The following COA1 variants were observed in gnomAD, a reference collection of about 807,000 sequenced individuals.
COA1 encodes cytochrome c oxidase assembly factor 1, also known as cytochrome c oxidase assembly factor 1 homolog.
A neutral mutation model predicts 16.0 loss-of-function variants in COA1; 13 were observed. That is an observed-to-expected ratio of 0.81 (90% CI 0.53 to 1.29). The LOEUF is 1.29. Ranked by LOEUF, COA1 falls within the 50% of genes most tolerant of loss-of-function variation. COA1 has a pLI of 0.00. For synonymous variants in COA1, 65 were observed against 65.7 expected, an observed-to-expected ratio of 0.99 and a Z score of 0.05; for missense variants, 179 against 177.0, an observed-to-expected ratio of 1.01 and a Z score of -0.06.
At chr7:43,727,689 G>A (rs2095645050) in intron 1 of COA1, among the ~76,000 whole-genome samples, 1 of 152,198 alleles carries the variant, frequency 6.6e-6, no homozygotes, top group Non-Finnish European at 1.5e-5. Flanking sequence ...AGTTGCTTAG[G>A]GCTTAGAATG....
chr7:43,699,436 A>G (rs1203513926), intron 1 of COA1, among the ~76,000 whole-genome samples: 1 of 152,154 alleles, frequency 6.6e-6, no homozygotes, highest in Non-Finnish European at 1.5e-5. Context: ...GAGCCAACCT[A>G]CTATTTGTTT....
chr7:43,647,475 T>C, intron 3 of COA1, 60 bp downstream of exon 3: 1 of 1,091,256 alleles, frequency 9.2e-7, no homozygotes, highest in South Asian at 1.2e-5. Flanking sequence ...TTTCCTCTGA[T>C]GGAGGAGCAG....
At chr7:43,669,564 G>A (rs1247288593) in intron 1 of COA1, among the ~76,000 whole-genome samples, 2 of 152,040 alleles carry the variant, frequency 1.3e-5, no homozygotes, top group Non-Finnish European at 2.9e-5. Context: ...TGACATGCCT[G>A]GTCAAACCAA....
intron 1 of COA1, among the ~76,000 whole-genome samples, chr7:43,655,485 C>A (rs2091570508): frequency 6.6e-6 from 1 of 152,076 alleles, no homozygotes; most frequent in African/African-American, 2.4e-5. Context: ...ACCCCCATCT[C>A]TACTAAAAAT....
intron 4 of COA1, among the ~76,000 whole-genome samples, chr7:43,644,616 T>A (rs1436235099): frequency 6.6e-6 from 1 of 151,816 alleles, no homozygotes; most frequent in Non-Finnish European, 1.5e-5. Context: ...AGCCTCCAAC[T>A]CCTGGGTTCA....
At chr7:43,620,164 A>T (rs372935634) in intron 6 of COA1, among the ~76,000 whole-genome samples, 1 of 152,224 alleles carries the variant, frequency 6.6e-6, no homozygotes, top group Non-Finnish European at 1.5e-5. Flanking sequence ...TGCTTCTGGC[A>T]GAAAGAAAAA....
chr7:43,674,037 C>T (rs2093398187), intron 1 of COA1, among the ~76,000 whole-genome samples: 1 of 152,070 alleles, frequency 6.6e-6, no homozygotes, highest in Non-Finnish European at 1.5e-5. Flanking sequence ...AGAAAAACTA[C>T]CTATCAGGTT....
intron 6 of COA1, among the ~76,000 whole-genome samples, chr7:43,629,561 G>A (rs766334300): frequency 2.0e-5 from 3 of 151,804 alleles, no homozygotes; most frequent in Non-Finnish European, 4.4e-5. Context: ...TTTTTTGTTT[G>A]CTTTTAATAC....
At chr7:43,690,767 A>G (rs35209720) in intron 1 of COA1, among the ~76,000 whole-genome samples, 22,313 of 152,170 alleles carry the variant, frequency 0.15, 2,186 homozygotes, top group Non-Finnish European at 0.21. Context: ...ATAAAGGGGG[A>G]AAAAAGCAAG....
chr7:43,684,452 G>C (rs771476194), intron 1 of COA1, among the ~76,000 whole-genome samples: 2 of 152,128 alleles, frequency 1.3e-5, no homozygotes, highest in Non-Finnish European at 2.9e-5. Flanking sequence ...GCAGCACAGA[G>C]ATCCAAAAGC....
At chr7:43,616,694 G>A (rs575608656) in intron 6 of COA1, among the ~76,000 whole-genome samples, 20 of 152,212 alleles carry the variant, frequency 1.3e-4, no homozygotes, top group East Asian at 1.9e-4. Context: ...TCAGGAGATC[G>A]AGACCATCCT....
At chr7:43,641,417 AC>A (rs1421245008) in intron 4 of COA1, 5 of 152,234 alleles carry the variant, frequency 3.3e-5, no homozygotes, top group African/African-American at 1.2e-4. Flanking sequence ...TTGTAATCCA[AC>A]AAAATAACAA....
chr7:43,678,931 T>G (rs958933054), intron 1 of COA1, among the ~76,000 whole-genome samples: 7 of 152,192 alleles, frequency 4.6e-5, no homozygotes, highest in African/African-American at 1.7e-4. Flanking sequence ...AGAATTACCA[T>G]ATGATCCACC....
At chr7:43,629,390 A>G (rs1400401703) in intron 6 of COA1, among the ~76,000 whole-genome samples, 1 of 152,250 alleles carries the variant, frequency 6.6e-6, no homozygotes, top group Non-Finnish European at 1.5e-5. Context: ...TAAGTCAAGT[A>G]GTCATCCAAT....
chr7:43,655,195 A>C (rs1204614694), intron 1 of COA1, among the ~76,000 whole-genome samples: 3 of 152,134 alleles, frequency 2.0e-5, no homozygotes, highest in Middle Eastern at 3.2e-3. Context: ...TTTAGATGGA[A>C]TCTCACTATG....
rs563601611 is a variant in COA1, at chr7:43,662,462, C to A, written c.-38-13810G>T. ...TGGCCAGCTGGTCTTGAACTCCTGACCTCGTGATCCATCCACCTCAGCCTC... is the reference window on the plus strand; with the variant it reads ...TGGCCAGCTGGTCTTGAACTCCTGAACTCGTGATCCATCCACCTCAGCCTC... On this transcript the variant is annotated intron_variant, in intron 1 of 5. Coordinates refer to ENST00000223336, the MANE Select transcript of COA1 (RefSeq NM_018224.4). Among the ~76,000 whole-genome samples the A allele has an allele frequency of 4.6e-5, 7 of 152,278 alleles. No homozygotes were observed. The East Asian group carries it at 1.4e-3, about 29-fold the overall frequency.
intron 1 of COA1, among the ~76,000 whole-genome samples, chr7:43,675,411 T>G: frequency 1.3e-5 from 2 of 148,790 alleles, no homozygotes; most frequent in East Asian, 2.0e-4. Flanking sequence ...AAGGGGAACA[T>G]CACACAGGAA....
intron 1 of COA1, among the ~76,000 whole-genome samples, chr7:43,728,123 C>T (rs959647983): frequency 1.3e-5 from 2 of 151,980 alleles, no homozygotes; most frequent in Admixed American, 6.5e-5. Flanking sequence ...TACAGGCTCC[C>T]GCCACCACGC....
intron 1 of COA1, among the ~76,000 whole-genome samples, chr7:43,720,367 C>A (rs956400289): frequency 6.6e-6 from 1 of 151,760 alleles, no homozygotes; most frequent in African/African-American, 2.4e-5. Context: ...TGCCTTTCCT[C>A]TTTATTAAGC....
Sources: allele counts gnomAD v4.1 joint callset (sites outside exome capture counted in the v4.1 genomes callset), GRCh38; gene constraint gnomAD v4.1.1; transcripts MANE v1.5; gene names NCBI Gene and HGNC (gene_info 2026-07-23, HGNC 2026-07-21).